Variants in NEBL observed in about 807,000 individuals in gnomAD.
The protein encoded by NEBL is nebulette.
Under a neutral mutation model 140.2 loss-of-function variants are expected in NEBL, and 122 were observed. The ratio of observed to expected loss-of-function variants is 0.87; its 90% CI spans 0.75 to 1.01. The LOEUF (loss-of-function observed/expected upper bound fraction) is 1.01. NEBL is among the 50% of genes least tolerant of loss of function. NEBL has a pLI of 0.00. For missense variants in NEBL, 1,365 were observed against 1,231.3 expected, an observed-to-expected ratio of 1.11 and a Z score of -1.62; for synonymous variants, 436 against 398.9, an observed-to-expected ratio of 1.09 and a Z score of -1.11.
At chr10:21,166,187 TC>T (rs1170613719) in intron 2 of NEBL, among the ~76,000 whole-genome samples, 22 of 118,518 alleles carry the variant, frequency 1.9e-4, no homozygotes, top group African/African-American at 6.9e-4. Flanking sequence ...GCCACTGCAC[TC>T]CAGCCTGGGC....
chr10:21,188,321 T>C (rs907245324), intron 3 of NEBL, among the ~76,000 whole-genome samples: 3 of 152,180 alleles, frequency 2.0e-5, no homozygotes, highest in African/African-American at 7.2e-5. Flanking sequence ...TATGTTCTAG[T>C]TCCCCGTGAC....
intron 2 of NEBL, among the ~76,000 whole-genome samples, chr10:21,100,375 C>A (rs191058437): frequency 1.6e-4 from 25 of 152,340 alleles, no homozygotes; most frequent in Non-Finnish European, 2.6e-4. Flanking sequence ...GAGGAGCTCA[C>A]TCGCAAACTC....
intron 2 of NEBL, chr10:21,172,356 C>T (rs1841115250): frequency 6.4e-7 from 1 of 1,557,186 alleles, no homozygotes. Context: ...CTGTGCCACA[C>T]CTGGACAGCG....
At chr10:21,111,724 C>T (rs1838021612) in intron 2 of NEBL, among the ~76,000 whole-genome samples, 1 of 150,820 alleles carries the variant, frequency 6.6e-6, no homozygotes, top group African/African-American at 2.5e-5. Flanking sequence ...GCAACAAAAG[C>T]CAAAATAGAC....
chr10:20,898,987 A>T (rs905172040), upstream of NEBL, among the ~76,000 whole-genome samples: 4 of 152,232 alleles, frequency 2.6e-5, no homozygotes. Flanking sequence ...TTCACCAACA[A>T]AATACCAAAA....
chr10:20,859,930 A>G, intron 7 of NEBL, 104 bp from the exon 8 acceptor site: 1 of 636,170 alleles, frequency 1.6e-6, no homozygotes, highest in African/African-American at 1.9e-5. Context: ...AATGTTGCCA[A>G]GTGTAAATTC....
chr10:21,228,800 G>A (rs1842206747), intron 3 of NEBL, among the ~76,000 whole-genome samples: 1 of 152,068 alleles, frequency 6.6e-6, no homozygotes, highest in Admixed American at 6.5e-5. Context: ...TGCCCCAACT[G>A]CAGGCCTGTT....
intron 2 of NEBL, among the ~76,000 whole-genome samples, chr10:21,052,526 C>T (rs1466950450): frequency 6.6e-6 from 1 of 152,228 alleles, no homozygotes; most frequent in East Asian, 1.9e-4. Flanking sequence ...ACAGGGGACT[C>T]ACCCCTGCCC....
chr10:20,942,650 G>C (rs769401473), intron 4 of NEBL, among the ~76,000 whole-genome samples: 153 of 152,226 alleles, frequency 1.0e-3, no homozygotes, highest in Non-Finnish European at 1.9e-3. Flanking sequence ...GAGTGAACAG[G>C]TGACCTACAG....
At chr10:21,146,517 T>TG in intron 2 of NEBL, 1 of 1,602,962 alleles carries the variant, frequency 6.2e-7, no homozygotes, top group East Asian at 2.2e-5. Context: ...ATCCTACTCC[T>TG]GCATTATCAG....
At chr10:20,828,857 G>T (rs1292666844) in intron 16 of NEBL, among the ~76,000 whole-genome samples, 1 of 151,986 alleles carries the variant, frequency 6.6e-6, no homozygotes, top group African/African-American at 2.4e-5. Context: ...TTTACGCTTT[G>T]CTTCCTACTT....
intron 3 of NEBL, among the ~76,000 whole-genome samples, chr10:21,200,186 G>A (rs1165672818): frequency 1.3e-5 from 2 of 151,728 alleles, no homozygotes; most frequent in Admixed American, 1.3e-4. Flanking sequence ...GCCCCCACTC[G>A]CTACTCAGAC....
chr10:21,137,247 T>C (rs756710300), intron 2 of NEBL, among the ~76,000 whole-genome samples: 28 of 152,234 alleles, frequency 1.8e-4, no homozygotes, highest in Admixed American at 7.2e-4. Context: ...AAGAAATATA[T>C]TTTTTCAAAG....
chr10:20,936,176 T>C (rs1421806941), intron 4 of NEBL, among the ~76,000 whole-genome samples: 1 of 152,188 alleles, frequency 6.6e-6, no homozygotes, highest in Non-Finnish European at 1.5e-5. Flanking sequence ...CAATGACAAA[T>C]CTTTTACTCA....
At chr10:21,217,685 A>G (rs771838484) in intron 3 of NEBL, among the ~76,000 whole-genome samples, 1 of 152,164 alleles carries the variant, frequency 6.6e-6, no homozygotes, top group African/African-American at 2.4e-5. Flanking sequence ...GTTTAACAAT[A>G]TTTACTCTAT....
At chr10:21,101,837 C>T (rs1016153558) in intron 2 of NEBL, among the ~76,000 whole-genome samples, 3 of 152,152 alleles carry the variant, frequency 2.0e-5, no homozygotes, top group African/African-American at 4.8e-5. Context: ...TGCATCTTTC[C>T]ACTATACCAA....
At chr10:20,969,205 G>T (rs962813237) in intron 3 of NEBL, among the ~76,000 whole-genome samples, 2 of 152,020 alleles carry the variant, frequency 1.3e-5, no homozygotes, top group Non-Finnish European at 2.9e-5. Context: ...CAAATGTTAA[G>T]TCAAAGGAAT....
At chr10:20,854,374 AC>A (rs1228257574) in intron 9 of NEBL, among the ~76,000 whole-genome samples, 4 of 152,262 alleles carry the variant, frequency 2.6e-5, no homozygotes, top group African/African-American at 7.2e-5. Context: ...GGAACAGATG[AC>A]CAAGTGGCCT....
At chr10:21,288,843 TATATATAAAAA>T (rs1564556752) in intron 1 of NEBL, among the ~76,000 whole-genome samples, 1,999 of 97,490 alleles carry the variant, frequency 0.021, 103 homozygotes, top group African/African-American at 0.08. Flanking sequence ...TATATATATA[TATATATAAAAA>T]TTTTTTTTTT....
Sources: gnomAD v4.1 joint callset for allele counts (sites outside exome capture counted in the v4.1 genomes callset) on GRCh38, gnomAD v4.1.1 for gene constraint, MANE v1.5 for transcripts, NCBI Gene and HGNC (gene_info 2026-07-23, HGNC 2026-07-21) for gene names.